The following FRMD4A variants were observed in gnomAD, a reference collection of about 807,000 sequenced individuals.
FRMD4A encodes the protein FERM domain-containing protein 4A.
In FRMD4A, 29 loss-of-function variants were observed where a neutral mutation model predicts 129.1. The ratio of observed to expected loss-of-function variants is 0.22; its 90% CI spans 0.17 to 0.31. The LOEUF (loss-of-function observed/expected upper bound fraction) is 0.31, where lower values mean the gene tolerates loss of function less well. Ranked by LOEUF, FRMD4A falls within the 10% of genes least tolerant of loss-of-function variation. The pLI is 1.00. For synonymous variants in FRMD4A, 634 were observed against 571.6 expected (o/e 1.11, Z -1.56); for missense variants, 1,272 against 1,375.8 (o/e 0.92, Z 1.19).
At chr10:13,755,424 C>T (rs958571345) in intron 8 of FRMD4A, among the ~76,000 whole-genome samples, 2 of 152,196 alleles carry the variant, frequency 1.3e-5, no homozygotes, top group Non-Finnish European at 2.9e-5. Flanking sequence ...TTTCTTTCCA[C>T]ACTAGTGAGC....
intron 2 of FRMD4A, chr10:13,866,401 G>A (rs2094368006): frequency 3.7e-6 from 1 of 271,510 alleles, no homozygotes; most frequent in Admixed American, 6.5e-5. Flanking sequence ...CCAAGGCCAT[G>A]ACTACAACTT....
At chr10:14,172,569 C>G (rs954551140) in intron 2 of FRMD4A, among the ~76,000 whole-genome samples, 4 of 152,188 alleles carry the variant, frequency 2.6e-5, no homozygotes, top group Non-Finnish European at 5.9e-5. Flanking sequence ...CTGTTAGGCG[C>G]CAGAGACTGC....
At chr10:13,952,732 C>T (rs1233880915) in intron 2 of FRMD4A, among the ~76,000 whole-genome samples, 2 of 152,084 alleles carry the variant, frequency 1.3e-5, no homozygotes, top group Non-Finnish European at 2.9e-5. Context: ...CTCACTCTGT[C>T]AACCAGGCTG....
intron 12 of FRMD4A, 53 bp downstream of exon 12, chr10:13,737,791 T>C: frequency 1.0e-6 from 1 of 971,858 alleles, no homozygotes; most frequent in Non-Finnish European, 1.7e-6. Flanking sequence ...CTCCTACGCC[T>C]GTTCCTCTCT....
At chr10:14,189,500 G>A (rs1750532899) in intron 2 of FRMD4A, among the ~76,000 whole-genome samples, 1 of 152,102 alleles carries the variant, frequency 6.6e-6, no homozygotes, top group South Asian at 2.1e-4. Context: ...CTAGAACCTG[G>A]GAGGCGGAGG....
chr10:13,833,223 G>A (rs997389137), intron 3 of FRMD4A, among the ~76,000 whole-genome samples: 2 of 152,168 alleles, frequency 1.3e-5, no homozygotes, highest in African/African-American at 4.8e-5. Context: ...TGGACTCACA[G>A]TTCCATATGG....
rs373432338 is a variant in FRMD4A at position 13,709,380 on chromosome 10, G to A, written c.760-2267C>T. Among the ~76,000 whole-genome samples the A allele has an allele frequency of 1.2e-4, 18 of 152,118 alleles. No homozygotes were observed. The East Asian group carries it at 3.1e-3, about 26-fold the overall frequency. On this transcript the variant is annotated intron_variant, in intron 12 of 24. Coordinates refer to ENST00000357447, the MANE Select transcript of FRMD4A (RefSeq NM_018027.5). ...AGGTAGATCTCAGCAGCCACAGATC[G>A]TAGCACAGTACCGGCACAAAGTGAC... is the stretch of plus-strand genomic sequence containing the variant.
At chr10:13,998,076 C>A (rs755274004) in intron 2 of FRMD4A, among the ~76,000 whole-genome samples, 5 of 152,212 alleles carry the variant, frequency 3.3e-5, no homozygotes, top group Non-Finnish European at 5.9e-5. Flanking sequence ...CTGCTCATCT[C>A]CAGTGCTGGT....
Position 13,663,438 on chromosome 10 carries a change from A to G in FRMD4A, c.1660+15T>C. 2 of 1,330,026 alleles carry G rather than the reference A, an allele frequency of 1.5e-6. No individual in the cohort carries two copies. Among genetic ancestry groups the G allele is most frequent in the Non-Finnish European group, 2.2e-6 (2 of 920,060 alleles). 82.4% of individuals were successfully genotyped at this position (1,330,026 alleles called of 1,614,324 possible). The stretch of plus-strand genomic sequence containing the variant: ...CTGAGCTGTAGGTTTGTAAGCAGGA[A>G]ATGCATAAACCTACCATCCTCAAGA... On this transcript the variant is annotated intron_variant, in intron 19 of 24. Transcript: ENST00000357447.
At chr10:14,087,623 G>A (rs1228328914) in intron 2 of FRMD4A, 6 of 152,162 alleles carry the variant, frequency 3.9e-5, no homozygotes, top group Admixed American at 3.9e-4. Flanking sequence ...GGTGGGATGA[G>A]AGTGGAAACC....
chr10:13,832,822 T>C (rs920522342), intron 3 of FRMD4A, among the ~76,000 whole-genome samples: 2 of 152,150 alleles, frequency 1.3e-5, no homozygotes, highest in African/African-American at 4.8e-5. Flanking sequence ...AAATTTTTTA[T>C]AGAGACAGGG....
chr10:14,185,567 G>T (rs570948321), intron 2 of FRMD4A, among the ~76,000 whole-genome samples: 2 of 152,114 alleles, frequency 1.3e-5, no homozygotes, highest in Admixed American at 6.6e-5. Context: ...CTATTTAAAG[G>T]TTCAATCTCG....
At chr10:13,884,789 G>A (rs1423113785) in intron 2 of FRMD4A, among the ~76,000 whole-genome samples, 1 of 152,192 alleles carries the variant, frequency 6.6e-6, no homozygotes, top group South Asian at 2.1e-4. Flanking sequence ...TCCCAACAAG[G>A]TAAGAATGGC....
At chr10:13,883,724 A>T (rs560223276) in intron 2 of FRMD4A, among the ~76,000 whole-genome samples, 1 of 152,342 alleles carries the variant, frequency 6.6e-6, no homozygotes, top group South Asian at 2.1e-4. Context: ...GGAACCACAA[A>T]CAAATACCAG....
At chr10:14,245,457 A>C (rs1364578159) in intron 2 of FRMD4A, among the ~76,000 whole-genome samples, 1 of 152,194 alleles carries the variant, frequency 6.6e-6, no homozygotes, top group African/African-American at 2.4e-5. Context: ...CAGCATTCAA[A>C]GAGAGGAAAA....
At chr10:14,038,091 G>A (rs769890936) in intron 2 of FRMD4A, among the ~76,000 whole-genome samples, 11 of 152,212 alleles carry the variant, frequency 7.2e-5, no homozygotes, top group Admixed American at 2.0e-4. Context: ...GGGAGGCCGA[G>A]GCGGGTGGAT....
intron 2 of FRMD4A, chr10:14,074,380 C>T (rs1215720321): frequency 6.6e-6 from 1 of 152,140 alleles, no homozygotes; most frequent in South Asian, 2.1e-4. Flanking sequence ...GGGTCTTCAA[C>T]GAGATGAATT....
chr10:14,218,800 C>G (rs1564394912), intron 2 of FRMD4A, among the ~76,000 whole-genome samples: 4 of 151,570 alleles, frequency 2.6e-5, no homozygotes. Context: ...ACTAAAAATA[C>G]AAAAATTAGC....
rs201285263 is a variant in FRMD4A, at chr10:13,743,663, CCT to C, written c.549-3088_549-3087del. ...ACAGCAGCAGAAATCTTTGCCGCCC[CCT>C]GTTTGCCCTGTAACTCCTGCTCTCT... On this transcript the variant is annotated intron_variant, in intron 9 of 24. Transcript: ENST00000357447. Among the ~76,000 whole-genome samples the C allele has an allele frequency of 6.9e-3, 1,052 of 152,236 alleles. 8 individuals are homozygous for C. The highest frequency in any genetic ancestry group is 0.022 in the African/African-American group (903 of 41,544).
Sources: gnomAD v4.1 joint callset for allele counts (sites outside exome capture counted in the v4.1 genomes callset) on GRCh38, gnomAD v4.1.1 for gene constraint, MANE v1.5 for transcripts, NCBI Gene and HGNC (gene_info 2026-07-23, HGNC 2026-07-21) for gene names.